RTCA: variants seen among roughly 807,000 people sequenced by gnomAD.
The protein encoded by RTCA is RNA 3'-terminal phosphate cyclase, also known as RNA terminal phosphate cyclase domain 1.
Under a neutral mutation model 46.1 loss-of-function variants are expected in RTCA, and 37 were observed. That is an observed-to-expected ratio of 0.80 (90% CI 0.62 to 1.06). The LOEUF is 1.06. Among genes scored for constraint, RTCA ranks in the 50% least tolerant of loss-of-function variants. RTCA has a pLI of 0.00. For missense variants in RTCA, 435 were observed against 455.5 expected (o/e 0.95, Z 0.41); for synonymous variants, 164 against 158.3 (o/e 1.04, Z -0.27).
At chr1:100,286,454 C>CAAAAAAAAA (rs754851046) in intron 9 of RTCA, among the ~76,000 whole-genome samples, 1 of 45,332 alleles carries the variant, frequency 2.2e-5, no homozygotes, top group African/African-American at 8.0e-5. Context: ...GACTCCGTCT[C>CAAAAAAAAA]AAAAAAAAAA....
At chr1:100,283,160 CTTTTTTT>C (rs71084815) in intron 8 of RTCA, among the ~76,000 whole-genome samples, 8 of 102,106 alleles carry the variant, frequency 7.8e-5, no homozygotes, top group African/African-American at 2.9e-4. Context: ...CCAAATATTC[CTTTTTTT>C]TTTTTTTTTT....
chr1:100,288,655 C>T (rs1463628928), intron 10 of RTCA, among the ~76,000 whole-genome samples: 2 of 151,844 alleles, frequency 1.3e-5, no homozygotes, highest in African/African-American at 4.8e-5. Flanking sequence ...TCTCCCAAAG[C>T]GCTAGGATTA....
At chr1:100,283,160 CTTTT>C (rs71084815) in intron 8 of RTCA, among the ~76,000 whole-genome samples, 6 of 102,082 alleles carry the variant, frequency 5.9e-5, no homozygotes, top group Middle Eastern at 6.7e-3. Flanking sequence ...CCAAATATTC[CTTTT>C]TTTTTTTTTT....
At chr1:100,290,242 A>G (rs964585133) in intron 10 of RTCA, among the ~76,000 whole-genome samples, 3 of 152,136 alleles carry the variant, frequency 2.0e-5, no homozygotes, top group East Asian at 3.8e-4. Flanking sequence ...CTTTTGCCAC[A>G]AACTTAACCT....
rs189255326 is a variant in RTCA at position 100,272,638 on chromosome 1, G to A, written c.415-756G>A. Among the ~76,000 whole-genome samples, 102 of 150,516 alleles carry A rather than the reference G, an allele frequency of 6.8e-4. 2 individuals carry two copies. Among genetic ancestry groups the A allele is most frequent in the Admixed American group, 2.0e-3 (31 of 15,132 alleles). ...TCTCAAAGAGTTGCCTTAGACATCAGGCTTAAACACCATCTTTCTCTGAAA... is the reference window on the plus strand; with the variant it reads ...TCTCAAAGAGTTGCCTTAGACATCAAGCTTAAACACCATCTTTCTCTGAAA... On this transcript the variant is annotated intron_variant, in intron 4 of 10. Transcript: ENST00000370128.
chr1:100,289,484 T>C (rs1236320819), intron 10 of RTCA, among the ~76,000 whole-genome samples: 2 of 152,124 alleles, frequency 1.3e-5, no homozygotes, highest in African/African-American at 2.4e-5. Context: ...TTAAGAAACA[T>C]AGATAAGTTT....
chr1:100,283,503 T>C (rs906454246), intron 8 of RTCA, among the ~76,000 whole-genome samples: 2 of 152,180 alleles, frequency 1.3e-5, no homozygotes, highest in Admixed American at 1.3e-4. Context: ...ATCTGAAACC[T>C]TCTAGTCCCA....
At chr1:100,275,761 C>T (rs1666335322) in intron 7 of RTCA, 38 bp downstream of exon 7, 1 of 1,525,846 alleles carries the variant, frequency 6.6e-7, no homozygotes, top group Non-Finnish European at 8.8e-7. Flanking sequence ...AGTTGAGAAC[C>T]CTAAAATAGT....
intron 8 of RTCA, among the ~76,000 whole-genome samples, chr1:100,279,835 G>A (rs1666590675): frequency 6.6e-6 from 1 of 152,134 alleles, no homozygotes; most frequent in Admixed American, 6.5e-5. Flanking sequence ...AATAGATCTG[G>A]GTAAGGGAAT....
chr1:100,266,665 G>T, intron 2 of RTCA, 41 bp downstream of exon 2: 1 of 1,531,280 alleles, frequency 6.5e-7, no homozygotes, highest in Non-Finnish European at 8.9e-7. Flanking sequence ...TGAAGCTGGG[G>T]GATCGGGGGG....
rs760614827 is a variant in RTCA at position 100,291,468 on chromosome 1, A to G, written c.1065A>G (p.Glu355=). Residue 355 remains glutamate, a synonymous_variant, in exon 11 of 11, where the codon GAA becomes GAG. Coordinates refer to ENST00000370128, the MANE Select transcript of RTCA (RefSeq NM_003729.4). ...EDAAKDTYII[E]CQGIGMTNPN... is the part of the protein sequence containing the mutation. Reference sequence around the variant, plus strand: ...CCGCTAAAGATACTTATATTATTGAATGCCAAGGAATTGGGATGACAAATC... The same window carrying G: ...CCGCTAAAGATACTTATATTATTGAGTGCCAAGGAATTGGGATGACAAATC... The G allele has an allele frequency of 4.3e-5, 69 of 1,611,810 alleles. No individual in the cohort carries two copies. The highest frequency in any genetic ancestry group is 5.4e-5 in the Non-Finnish European group (64 of 1,178,912).
chr1:100,277,328 GA>G lies in RTCA; in HGVS notation c.799+14del. On this transcript the variant is annotated intron_variant, in intron 8 of 10. Coordinates refer to ENST00000370128, the MANE Select transcript of RTCA (RefSeq NM_003729.4). The stretch of plus-strand genomic sequence containing the variant: ...GCTTGGTAAACGAGGTAAGATAAAT[GA>G]AGGGGGTCCATAGTTCCCAATGCTA... 4 of 1,604,854 alleles carry G rather than the reference GA, an allele frequency of 2.5e-6. No individual in the cohort carries two copies. In the South Asian group the frequency reaches 4.5e-5, roughly 18 times the overall value.
intron 9 of RTCA, among the ~76,000 whole-genome samples, chr1:100,285,997 G>GCTCCCT (rs1435657360): frequency 1.3e-5 from 2 of 152,064 alleles, no homozygotes; most frequent in Non-Finnish European, 2.9e-5. Flanking sequence ...TTCTGTAGTT[G>GCTCCCT]CTCCCTCTCT....
chr1:100,274,105 A>G (rs1370818940), intron 5 of RTCA, among the ~76,000 whole-genome samples: 1 of 152,106 alleles, frequency 6.6e-6, no homozygotes, highest in Non-Finnish European at 1.5e-5. Flanking sequence ...GTTTTTTTCA[A>G]CGTGAAACTT....
At chr1:100,289,348 G>T (rs528785883) in intron 10 of RTCA, among the ~76,000 whole-genome samples, 1 of 150,770 alleles carries the variant, frequency 6.6e-6, no homozygotes, top group Non-Finnish European at 1.5e-5. Context: ...TCCCTGTGTT[G>T]CCCAGGCTGG....
chr1:100,275,775 C>G lies in RTCA; in HGVS notation c.740+52C>G, dbSNP rs756458708. 4.1e-6 allele frequency: 6 copies of G among 1,450,180 alleles called. No individual in the cohort carries two copies. In the Middle Eastern group the frequency reaches 5.4e-4, roughly 130 times the overall value. The allele number at this position is 1,450,180 out of a possible 1,614,324, so 89.8% of individuals were successfully genotyped here. On this transcript the variant is annotated intron_variant, in intron 7 of 10. Coordinates refer to ENST00000370128, the MANE Select transcript of RTCA (RefSeq NM_003729.4). Reference sequence around the variant, plus strand: ...TAGTTGAGAACCCTAAAATAGTTATCTAATTAAATTAAAGATTTTTAGGGT... The same window carrying G: ...TAGTTGAGAACCCTAAAATAGTTATGTAATTAAATTAAAGATTTTTAGGGT...
chr1:100,267,324 G>A (rs536812148), intron 2 of RTCA: 4 of 559,614 alleles, frequency 7.1e-6, no homozygotes, highest in East Asian at 3.2e-5. Context: ...TTACCAAAAG[G>A]CAATTACTGA....
intron 9 of RTCA, 38 bp from the exon 10 acceptor site, chr1:100,287,061 T>TA: frequency 1.4e-6 from 2 of 1,383,690 alleles, no homozygotes; most frequent in Non-Finnish European, 2.0e-6. Context: ...CAAATATTAA[T>TA]AAATGTGTGA....
chr1:100,291,814 G>A lies in RTCA; in HGVS notation c.*310G>A, dbSNP rs41287266. On this transcript the variant is annotated 3_prime_UTR_variant, in exon 11 of 11. Coordinates refer to ENST00000370128, the MANE Select transcript of RTCA (RefSeq NM_003729.4). ...TTTTTATGTAATTAATTAAATCAGG[G>A]ATATAGATTTGATCTGTAATTTGGG... 2.4e-3 allele frequency: 413 copies of A among 171,406 alleles called. 2 individuals carry two copies. Among genetic ancestry groups the A allele is most frequent in the Non-Finnish European group, 3.4e-3 (274 of 81,300 alleles). 10.6% of individuals were successfully genotyped at this position (171,406 alleles called of 1,614,324 possible). A position where few individuals can be genotyped will look rare whatever the true frequency, so the allele number is the denominator to read the frequency against.
Sources: allele counts gnomAD v4.1 joint callset (sites outside exome capture counted in the v4.1 genomes callset), GRCh38; gene constraint gnomAD v4.1.1; transcripts MANE v1.5; gene names NCBI Gene and HGNC (gene_info 2026-07-23, HGNC 2026-07-21).